The following TMEM33 variants were observed in gnomAD, a reference collection of about 807,000 sequenced individuals.
TMEM33 encodes the protein transmembrane protein 33.
Under a neutral mutation model 29.7 loss-of-function variants are expected in TMEM33, and 16 were observed. The observed-to-expected ratio is 0.54, with a 90% CI of 0.36 to 0.82. TMEM33 has a LOEUF of 0.82. Ranked by LOEUF, TMEM33 falls within the 40% of genes least tolerant of loss-of-function variation. TMEM33 has a pLI of 0.00. For missense variants in TMEM33, 252 were observed against 295.3 expected (o/e 0.85, Z 1.08); for synonymous variants, 112 against 109.4 (o/e 1.02, Z -0.15).
rs10672701 is a variant in TMEM33, at chr4:41,959,342, CTA to C, written c.*5148_*5149del. 3 of 152,112 alleles carry C rather than the reference CTA, an allele frequency of 2.0e-5. No individual in the cohort carries two copies. The highest frequency in any genetic ancestry group is 7.2e-5 in the African/African-American group (3 of 41,422). The allele number at this position is 152,112 out of a possible 1,614,324, so 9.4% of individuals were successfully genotyped here. On this transcript the variant is annotated 3_prime_UTR_variant, in exon 7 of 7. Coordinates refer to ENST00000504986, the MANE Select transcript of TMEM33 (RefSeq NM_018126.3). Reference sequence around the variant, plus strand: ...CATAGTCAAGTGTGATGGATTAACTCTATATAGTCTTTCTCCTCTTGTGCGTG... The same window carrying C: ...CATAGTCAAGTGTGATGGATTAACTCTATAGTCTTTCTCCTCTTGTGCGTG...
intron 3 of TMEM33, chr4:41,939,851 G>T (rs113055111): frequency 2.2e-6 from 1 of 453,308 alleles, no homozygotes; most frequent in Non-Finnish European, 4.4e-6. Context: ...TCAATACAAA[G>T]AAATTAATAT....
intron 4 of TMEM33, 128 bp from the exon 5 acceptor site, chr4:41,944,665 G>A (rs1712699468): frequency 9.3e-6 from 10 of 1,075,228 alleles, no homozygotes; most frequent in South Asian, 6.3e-5. Context: ...TGTGAACTTC[G>A]TACCATCATT....
At chr4:41,946,008 A>AT (rs530323414) in intron 5 of TMEM33, among the ~76,000 whole-genome samples, 3 of 150,102 alleles carry the variant, frequency 2.0e-5, no homozygotes, top group Admixed American at 6.6e-5. Context: ...GAAAAAAAAA[A>AT]GTGTTATTCT....
chr4:41,954,216 G>T lies in TMEM33; in HGVS notation c.*17G>T. 6.2e-7 allele frequency: 1 copy of T among 1,612,988 alleles called. No individual in the cohort carries two copies. The highest frequency in any genetic ancestry group is 8.5e-7 in the Non-Finnish European group (1 of 1,179,344). On this transcript the variant is annotated 3_prime_UTR_variant, in exon 7 of 7. Transcript: ENST00000504986. ...GTTCCATAGTTTAACATCTAGTTAAGCTACAAATATAGTATAAGCATTATT... is the reference window on the plus strand; with the variant it reads ...GTTCCATAGTTTAACATCTAGTTAATCTACAAATATAGTATAAGCATTATT...
Position 41,949,351 on chromosome 4 carries a change from C to G in TMEM33, c.580C>G (p.Leu194Val). ...QPFIYYRFLTLRYSSRRNPYC... is the reference protein window; with the variant it reads ...QPFIYYRFLTVRYSSRRNPYC... ...TTTTATATACTATAGATTTCTTACCCTTCGATATTCGTCTCGAAGAAACCC... is the reference window on the plus strand; with the variant it reads ...TTTTATATACTATAGATTTCTTACCGTTCGATATTCGTCTCGAAGAAACCC... The change falls in exon 6 of 7, where the codon CTT becomes GTT. Residue 194 changes from leucine (L) to valine (V), a missense_variant. Coordinates refer to ENST00000504986, the MANE Select transcript of TMEM33 (RefSeq NM_018126.3). 6.2e-7 allele frequency: 1 copy of G among 1,610,638 alleles called. No homozygotes were observed. Among genetic ancestry groups the G allele is most frequent in the Non-Finnish European group, 8.5e-7 (1 of 1,178,816 alleles).
Position 41,946,183 on chromosome 4 carries a change from A to G in TMEM33, c.530+1257A>G, listed in dbSNP as rs201889623. Reference sequence around the variant, plus strand: ...AATATTGATGCAGTAAATATTTTTTACCTGCTTATACTTAATGCCAGTGTT... The same window carrying G: ...AATATTGATGCAGTAAATATTTTTTGCCTGCTTATACTTAATGCCAGTGTT... On this transcript the variant is annotated intron_variant, in intron 5 of 6. Coordinates refer to ENST00000504986, the MANE Select transcript of TMEM33 (RefSeq NM_018126.3). Among the ~76,000 whole-genome samples the G allele has an allele frequency of 1.7e-4, 26 of 150,438 alleles. No individual in the cohort carries two copies. The East Asian group carries it at 4.9e-3, about 28-fold the overall frequency.
chr4:41,952,240 G>C (rs1296858887), intron 6 of TMEM33, among the ~76,000 whole-genome samples: 3 of 152,270 alleles, frequency 2.0e-5, no homozygotes. Flanking sequence ...GGAAGGGCAG[G>C]TTTTGGAAAA....
chr4:41,943,714 CT>C, intron 3 of TMEM33, 32 bp from the exon 4 acceptor site: 1 of 1,597,184 alleles, frequency 6.3e-7, no homozygotes, highest in Non-Finnish European at 8.6e-7. Context: ...TACTTGATGA[CT>C]TTTAAATGTT....
At chr4:41,949,089 A>T (rs1408182845) in intron 5 of TMEM33, among the ~76,000 whole-genome samples, 1 of 152,130 alleles carries the variant, frequency 6.6e-6, no homozygotes, top group African/African-American at 2.4e-5. Context: ...ATACATTTAT[A>T]AAAAAATTAA....
At chr4:41,938,935 A>C (rs1712381510) in intron 2 of TMEM33, among the ~76,000 whole-genome samples, 2 of 152,240 alleles carry the variant, frequency 1.3e-5, no homozygotes, top group African/African-American at 4.8e-5. Context: ...GAATGAGATA[A>C]GTTCATGTTT....
At position 41,956,544 on chromosome 4, in the gene TMEM33, GTT is replaced by G. The variant is rs1229233195; in HGVS notation, c.*2348_*2349del. 1.3e-5 allele frequency: 2 copies of G among 151,644 alleles called. No homozygotes were observed. Among genetic ancestry groups the G allele is most frequent in the Non-Finnish European group, 2.9e-5 (2 of 67,908 alleles). The allele number at this position is 151,644 out of a possible 1,614,324, so 9.4% of individuals were successfully genotyped here. A position where few individuals can be genotyped will look rare whatever the true frequency, so the allele number is the denominator to read the frequency against. ...GTCTTTTAAAGATCTGTGTGTCTCT[GTT>G]TTGAGTTTTTCCTGTTTATTTTGAA... is the stretch of plus-strand genomic sequence containing the variant. On this transcript the variant is annotated 3_prime_UTR_variant, in exon 7 of 7. Transcript: ENST00000504986.
At chr4:41,936,467 C>T (rs1212649721) in intron 1 of TMEM33, among the ~76,000 whole-genome samples, 2 of 152,288 alleles carry the variant, frequency 1.3e-5, no homozygotes, top group East Asian at 1.9e-4. Context: ...CGCTTGCGCC[C>T]GAGAAGTTGA....
intron 5 of TMEM33, among the ~76,000 whole-genome samples, chr4:41,948,352 A>G (rs562519927): frequency 1.8e-4 from 28 of 152,134 alleles, no homozygotes; most frequent in Non-Finnish European, 3.7e-4. Context: ...TTCTATTTAT[A>G]TTTTCTATGT....
intron 1 of TMEM33, among the ~76,000 whole-genome samples, chr4:41,937,496 T>A (rs1712297806): frequency 1.3e-5 from 2 of 151,742 alleles, no homozygotes; most frequent in South Asian, 2.1e-4. Context: ...TTTTTTATAT[T>A]TTTTTTTCAA....
intron 5 of TMEM33, among the ~76,000 whole-genome samples, chr4:41,949,043 G>T (rs1450720132): frequency 1.3e-5 from 2 of 151,832 alleles, no homozygotes; most frequent in African/African-American, 2.4e-5. Flanking sequence ...GATTTATTTA[G>T]TATTTTAAAA....
Position 41,949,341 on chromosome 4 carries a change from A to G in TMEM33, c.570A>G (p.Arg190=). 6.2e-7 allele frequency: 1 copy of G among 1,611,376 alleles called. No individual in the cohort carries two copies. Among genetic ancestry groups the G allele is most frequent in the Non-Finnish European group, 8.5e-7 (1 of 1,179,058 alleles). ...TGCTCCAACCTTTTATATACTATAG[A>G]TTTCTTACCCTTCGATATTCGTCTC... is the stretch of plus-strand genomic sequence containing the variant. ...GSLLQPFIYY[R]FLTLRYSSRR... is the part of the protein sequence containing the mutation. Residue 190 remains arginine, a synonymous_variant, in exon 6 of 7, where the codon AGA becomes AGG. Transcript: ENST00000504986.
At chr4:41,938,444 T>C (rs987750991) in intron 1 of TMEM33, among the ~76,000 whole-genome samples, 158 bp from the exon 2 acceptor site, 1 of 152,230 alleles carries the variant, frequency 6.6e-6, no homozygotes, top group African/African-American at 2.4e-5. Flanking sequence ...AGCATATACA[T>C]GAAACATGTA....
At chr4:41,948,085 T>G (rs950759101) in intron 5 of TMEM33, among the ~76,000 whole-genome samples, 4 of 152,146 alleles carry the variant, frequency 2.6e-5, no homozygotes, top group Non-Finnish European at 5.9e-5. Context: ...GTGTAGGGTG[T>G]TCTCCATTTA....
rs1713340147 is a variant in TMEM33, at chr4:41,958,104, C to A, written c.*3905C>A. 6.6e-6 allele frequency: 1 copy of A among 152,250 alleles called. No homozygotes were observed. The allele number at this position is 152,250 out of a possible 1,614,324, so 9.4% of individuals were successfully genotyped here. Reference sequence around the variant, plus strand: ...TCTCAGCTCACTGCAACCTCTGCCTCCCGGATTCAAGCAATTCTCCTTCAG... The same window carrying A: ...TCTCAGCTCACTGCAACCTCTGCCTACCGGATTCAAGCAATTCTCCTTCAG... On this transcript the variant is annotated 3_prime_UTR_variant, in exon 7 of 7. Coordinates refer to ENST00000504986, the MANE Select transcript of TMEM33 (RefSeq NM_018126.3).
Sources: allele counts gnomAD v4.1 joint callset (sites outside exome capture counted in the v4.1 genomes callset), GRCh38; gene constraint gnomAD v4.1.1; transcripts MANE v1.5; gene names NCBI Gene and HGNC (gene_info 2026-07-23, HGNC 2026-07-21).